The following LRP2 variants were observed in gnomAD, a reference collection of about 807,000 sequenced individuals.
LRP2 encodes the protein low-density lipoprotein receptor-related protein 2.
LRP2 carries 172 observed loss-of-function variants against 531.0 expected under a neutral mutation model. That is an observed-to-expected ratio of 0.32 (90% CI 0.29 to 0.37). LRP2 has a LOEUF of 0.37. Among genes scored for constraint, LRP2 ranks in the 10% least tolerant of loss-of-function variants. LRP2 has a pLI of 1.00. For synonymous variants in LRP2, 1,992 were observed against 2,027.6 expected (o/e 0.98, Z 0.47); for missense variants, 5,167 against 5,868.3 (o/e 0.88, Z 3.90).
At chr2:169,139,426 C>T (rs1685641033) in intron 73 of LRP2, 55 bp from the exon 74 acceptor site, 3 of 1,614,110 alleles carry the variant, frequency 1.9e-6, no homozygotes, top group East Asian at 4.5e-5. Context: ...GCAATCCTGG[C>T]AGAAACTGGG....
Position 169,154,589 on chromosome 2 carries a change from A to G in LRP2, c.12166T>C (p.Leu4056=), listed in dbSNP as rs944161947. ...ATTCGGACATTGTCAGGCAGTAGCAACAAAGGAGAGCTACCTGTAAACAAA... is the reference window on the plus strand; with the variant it reads ...ATTCGGACATTGTCAGGCAGTAGCAGCAAAGGAGAGCTACCTGTAAACAAA... ...RCAAEGSSPL[L]LLPDNVRIRK... The change falls in exon 66 of 79, where the codon TTG becomes CTG. Residue 4056 remains leucine, a synonymous_variant. Coordinates refer to ENST00000649046, the MANE Select transcript of LRP2 (RefSeq NM_004525.3). 1 of 1,613,590 alleles carries G rather than the reference A, an allele frequency of 6.2e-7. No individual in the cohort carries two copies. The highest frequency in any genetic ancestry group is 1.3e-5 in the African/African-American group (1 of 75,026).
At chr2:169,271,973 G>T (rs1026018368) in intron 15 of LRP2, among the ~76,000 whole-genome samples, 1 of 152,048 alleles carries the variant, frequency 6.6e-6, no homozygotes, top group Non-Finnish European at 1.5e-5. Context: ...GATAAAAATC[G>T]CAGTAACGGA....
intron 9 of LRP2, among the ~76,000 whole-genome samples, chr2:169,283,466 A>G (rs78868363): frequency 0.011 from 1,708 of 152,346 alleles, 29 homozygotes; most frequent in African/African-American, 0.039. Context: ...CAATAGCCAC[A>G]TATGACTAGT....
In LRP2 at chr2:169,290,984, A is replaced by G. The variant is rs1003438165; in HGVS notation, c.783T>C (p.His261=). The G allele has an allele frequency of 1.9e-6, 3 of 1,614,054 alleles. No homozygotes were observed. The highest frequency in any genetic ancestry group is 2.7e-5 in the African/African-American group (2 of 75,026). Residue 261 remains histidine (H), a synonymous_variant, in exon 8 of 79, where the codon CAT becomes CAC. Coordinates refer to ENST00000649046, the MANE Select transcript of LRP2 (RefSeq NM_004525.3). ...GDEDGCESGP[H]DVHKCSPREW... ...CTCTTGGGGAACATTTATGAACATC[A>G]TGAGGACCGCTTTCTGTGGGGGGAA... is the stretch of plus-strand genomic sequence containing the variant.
intron 54 of LRP2, 21 bp from the exon 55 acceptor site, chr2:169,175,410 A>G (rs1343645713): frequency 1.2e-6 from 2 of 1,611,568 alleles, no homozygotes; most frequent in African/African-American, 2.7e-5. Context: ...AACATACAGC[A>G]CTTCTTTAGC....
intron 26 of LRP2, among the ~76,000 whole-genome samples, chr2:169,238,556 TA>T (rs1689691104): frequency 6.9e-6 from 1 of 145,478 alleles, no homozygotes; most frequent in Admixed American, 6.7e-5. Context: ...TGTTTCTAAA[TA>T]CTAGTCTAGA....
At chr2:169,348,270 G>T (rs1685749212) in intron 1 of LRP2, among the ~76,000 whole-genome samples, 1 of 152,092 alleles carries the variant, frequency 6.6e-6, no homozygotes, top group South Asian at 2.1e-4. Flanking sequence ...TCATTCTCCT[G>T]CCTCCAACCT....
chr2:169,146,975 T>C lies in LRP2; in HGVS notation c.12591-16A>G, dbSNP rs752316493. 3 of 1,579,434 alleles carry C rather than the reference T, an allele frequency of 1.9e-6. No individual in the cohort carries two copies. The highest frequency in any genetic ancestry group is 3.5e-5 in the Admixed American group (2 of 57,604). ...GAACATAAGCCTATAACAGAAGATT[T>C]CTTCACTGTAGCATCTCACCTGGTA... On this transcript the variant is annotated splice_polypyrimidine_tract_variant and intron_variant, in intron 68 of 78. Coordinates refer to ENST00000649046, the MANE Select transcript of LRP2 (RefSeq NM_004525.3).
chr2:169,303,684 T>G (rs1390477232), intron 4 of LRP2, among the ~76,000 whole-genome samples: 3 of 150,300 alleles, frequency 2.0e-5, no homozygotes. Flanking sequence ...TTTCTGAGGT[T>G]TTTTTTTTTA....
At chr2:169,345,326 CGTTATAGTAAA>C (rs1685668232) in intron 1 of LRP2, among the ~76,000 whole-genome samples, 1 of 152,036 alleles carries the variant, frequency 6.6e-6, no homozygotes, top group Non-Finnish European at 1.5e-5. Context: ...ATTTTTTCTC[CGTTATAGTAAA>C]GGAAAGGCAG....
At chr2:169,297,355 A>C (rs919910769) in intron 4 of LRP2, among the ~76,000 whole-genome samples, 7 of 152,182 alleles carry the variant, frequency 4.6e-5, no homozygotes, top group Non-Finnish European at 8.8e-5. Context: ...GAGCAAATCC[A>C]TCATGTGGCT....
At chr2:169,351,974 T>G (rs1454443682) in intron 1 of LRP2, among the ~76,000 whole-genome samples, 9 of 152,062 alleles carry the variant, frequency 5.9e-5, no homozygotes. Context: ...GGCGGTAGGA[T>G]CAACAAACTG....
intron 1 of LRP2, among the ~76,000 whole-genome samples, chr2:169,341,130 A>G (rs887187210): frequency 3.3e-4 from 50 of 152,182 alleles, no homozygotes; most frequent in African/African-American, 1.1e-3. Flanking sequence ...AGAAAGGTGC[A>G]TTTAAGCTAC....
chr2:169,354,316 G>A (rs1347739034), intron 1 of LRP2, among the ~76,000 whole-genome samples: 3 of 152,156 alleles, frequency 2.0e-5, no homozygotes, highest in East Asian at 1.9e-4. Context: ...TGTGTTATTC[G>A]CTGATAGTAC....
chr2:169,169,981 C>T (rs1686935447), intron 59 of LRP2, among the ~76,000 whole-genome samples, 163 bp from the exon 60 acceptor site: 2 of 152,222 alleles, frequency 1.3e-5, no homozygotes, highest in Non-Finnish European at 2.9e-5. Context: ...ATTCTCAAAA[C>T]TCACACTTTC....
At chr2:169,211,488 C>T (rs138355924) in intron 37 of LRP2, among the ~76,000 whole-genome samples, 1 of 152,130 alleles carries the variant, frequency 6.6e-6, no homozygotes, top group South Asian at 2.1e-4. Flanking sequence ...ATTAATAAAT[C>T]ATATTTGTGG....
intron 35 of LRP2, 91 bp downstream of exon 35, chr2:169,216,162 G>T: frequency 7.3e-7 from 1 of 1,365,374 alleles, no homozygotes; most frequent in Non-Finnish European, 1.0e-6. Context: ...AAGTAAGATT[G>T]TTCAAGAACC....
At chr2:169,205,707 G>A (rs1177879752) in intron 40 of LRP2, 70 bp from the exon 41 acceptor site, 71 of 1,281,642 alleles carry the variant, frequency 5.5e-5, no homozygotes, top group Non-Finnish European at 7.1e-5. Context: ...AAAAAAAAAG[G>A]ACAATATTCT....
intron 21 of LRP2, 143 bp from the exon 22 acceptor site, chr2:169,245,075 A>C: frequency 1.1e-6 from 1 of 888,878 alleles, no homozygotes; most frequent in Non-Finnish European, 1.8e-6. Flanking sequence ...TGATGTCATC[A>C]TCACTAACAT....
Sources: allele counts gnomAD v4.1 joint callset (sites outside exome capture counted in the v4.1 genomes callset), GRCh38; gene constraint gnomAD v4.1.1; transcripts MANE v1.5; gene names NCBI Gene and HGNC (gene_info 2026-07-23, HGNC 2026-07-21).